ANKS1B: variants seen among roughly 807,000 people sequenced by gnomAD.
ANKS1B encodes the protein ankyrin repeat and sterile alpha motif domain containing 1B.
Under a neutral mutation model 148.3 loss-of-function variants are expected in ANKS1B, and 36 were observed. That is an observed-to-expected ratio of 0.24 (90% CI 0.19 to 0.32). The LOEUF is 0.32. Ranked by LOEUF, ANKS1B falls within the 10% of genes least tolerant of loss-of-function variation. The pLI is 1.00. For missense variants in ANKS1B, 1,157 were observed against 1,542.6 expected (o/e 0.75, Z 4.19); for synonymous variants, 542 against 560.8 (o/e 0.97, Z 0.47).
chr12:99,845,438 G>T (rs762066416), intron 1 of ANKS1B, among the ~76,000 whole-genome samples: 7 of 152,094 alleles, frequency 4.6e-5, no homozygotes, highest in Non-Finnish European at 8.8e-5. Context: ...AATATGAAGG[G>T]ATGCTGAATT....
chr12:99,572,800 T>C (rs545277615), intron 9 of ANKS1B, among the ~76,000 whole-genome samples: 3 of 152,090 alleles, frequency 2.0e-5, no homozygotes, highest in Admixed American at 6.6e-5. Flanking sequence ...GTGATAATAA[T>C]AGCAACTACA....
intron 17 of ANKS1B, among the ~76,000 whole-genome samples, chr12:98,928,455 CATA>C (rs750342185): frequency 4.6e-5 from 7 of 151,790 alleles, no homozygotes; most frequent in Non-Finnish European, 1.0e-4. Flanking sequence ...ACACTGACAC[CATA>C]ATGAGACAAT....
rs569511771 is a variant in ANKS1B at position 98,882,803 on chromosome 12, A to G, written c.2779-50667T>C. Among the ~76,000 whole-genome samples the G allele has an allele frequency of 2.0e-5, 3 of 152,288 alleles. No homozygotes were observed. The South Asian group carries it at 6.2e-4, about 32-fold the overall frequency. On this transcript the variant is annotated intron_variant, in intron 17 of 26. Transcript: ENST00000683438. ...TATTTAGGTAAAGAGAATGATCATA[A>G]AACTCCACATTAAGATGTTAATGAA...
chr12:99,767,416 C>CA (rs938575598), intron 8 of ANKS1B, among the ~76,000 whole-genome samples: 16 of 150,524 alleles, frequency 1.1e-4, no homozygotes, highest in Admixed American at 2.0e-4. Flanking sequence ...AAAAAAAAAA[C>CA]AAAAAAACTT....
At chr12:99,190,613 A>G (rs1467303237) in intron 14 of ANKS1B, among the ~76,000 whole-genome samples, 1 of 152,204 alleles carries the variant, frequency 6.6e-6, no homozygotes, top group African/African-American at 2.4e-5. Context: ...TATTTAATAA[A>G]TACTGCTGGG....
intron 16 of ANKS1B, among the ~76,000 whole-genome samples, chr12:99,066,550 A>C (rs1302255336): frequency 6.6e-6 from 1 of 152,152 alleles, no homozygotes; most frequent in Non-Finnish European, 1.5e-5. Context: ...ATTGCCTTTC[A>C]ATCTGAGGGA....
At chr12:99,121,054 C>T (rs1600434503) in intron 15 of ANKS1B, among the ~76,000 whole-genome samples, 1 of 150,270 alleles carries the variant, frequency 6.7e-6, no homozygotes, top group South Asian at 2.1e-4. Flanking sequence ...TGGGTCTATC[C>T]AAAGAGGATA....
At chr12:98,936,277 AG>A (rs2099818545) in intron 17 of ANKS1B, among the ~76,000 whole-genome samples, 3 of 152,346 alleles carry the variant, frequency 2.0e-5, no homozygotes, top group African/African-American at 7.2e-5. Flanking sequence ...ATTCAAACCC[AG>A]GTCCCCTGAC....
intron 17 of ANKS1B, among the ~76,000 whole-genome samples, chr12:98,964,712 C>T (rs1367245185): frequency 6.6e-6 from 1 of 152,142 alleles, no homozygotes; most frequent in East Asian, 1.9e-4. Flanking sequence ...CACAAAAAGA[C>T]AAACTTCACA....
intron 25 of ANKS1B, among the ~76,000 whole-genome samples, chr12:98,758,734 TTCTTC>T (rs2098324885): frequency 2.0e-5 from 3 of 151,874 alleles, no homozygotes. Flanking sequence ...TTCTCTTCTC[TTCTTC>T]CCCAGGGATT....
intron 10 of ANKS1B, among the ~76,000 whole-genome samples, chr12:99,495,861 C>T (rs2096599242): frequency 6.6e-6 from 1 of 152,156 alleles, no homozygotes; most frequent in Admixed American, 6.5e-5. Flanking sequence ...TTTCACCATT[C>T]AAAAAATATT....
chr12:98,864,599 C>T (rs1373912171), intron 17 of ANKS1B, among the ~76,000 whole-genome samples: 1 of 152,176 alleles, frequency 6.6e-6, no homozygotes, highest in Non-Finnish European at 1.5e-5. Context: ...GGAACTCTGC[C>T]AGCAGGCAGC....
chr12:99,310,975 G>T (rs2083067261), intron 12 of ANKS1B, among the ~76,000 whole-genome samples: 1 of 152,128 alleles, frequency 6.6e-6, no homozygotes, highest in Admixed American at 6.6e-5. Context: ...AATAGCACCT[G>T]CCTAATGGAA....
chr12:99,825,467 CCA>C, intron 1 of ANKS1B, 78 bp from the exon 2 acceptor site: 1 of 1,081,870 alleles, frequency 9.2e-7, no homozygotes. Context: ...GCTGGTAGCC[CCA>C]CAGTCAGCAG....
At chr12:99,110,907 C>T (rs895807019) in intron 15 of ANKS1B, among the ~76,000 whole-genome samples, 1 of 152,178 alleles carries the variant, frequency 6.6e-6, no homozygotes, top group Non-Finnish European at 1.5e-5. Flanking sequence ...TTGACTCAGG[C>T]ATCTCCTTCT....
chr12:98,847,570 G>T (rs1229886115), intron 17 of ANKS1B, among the ~76,000 whole-genome samples: 1 of 149,640 alleles, frequency 6.7e-6, no homozygotes, highest in Non-Finnish European at 1.5e-5. Context: ...ATGAACACGG[G>T]AGTGCAGGTA....
At chr12:98,901,157 C>G (rs889970082) in intron 17 of ANKS1B, among the ~76,000 whole-genome samples, 1 of 152,158 alleles carries the variant, frequency 6.6e-6, no homozygotes, top group Non-Finnish European at 1.5e-5. Context: ...TAAATATTTA[C>G]AGAACGAGTG....
intron 9 of ANKS1B, among the ~76,000 whole-genome samples, chr12:99,616,011 G>A (rs935369794): frequency 6.6e-6 from 1 of 152,070 alleles, no homozygotes; most frequent in East Asian, 1.9e-4. Context: ...CAAGCAGAGA[G>A]CCAAATCATG....
chr12:98,933,672 AAAAATAATACTCATCCAGACAGG>A (rs2099815821), intron 17 of ANKS1B, among the ~76,000 whole-genome samples: 26 of 152,112 alleles, frequency 1.7e-4, no homozygotes, highest in Admixed American at 1.7e-3. Context: ...GTCTTTTTAA[AAAAATAATACTCATCCAGACAGG>A]TGTGAGGTGA....
Sources: allele counts gnomAD v4.1 joint callset (sites outside exome capture counted in the v4.1 genomes callset), GRCh38; gene constraint gnomAD v4.1.1; transcripts MANE v1.5; gene names NCBI Gene and HGNC (gene_info 2026-07-23, HGNC 2026-07-21).